The following ABCB4 variants were observed in gnomAD, a reference collection of about 807,000 sequenced individuals.
ABCB4 encodes the protein ATP binding cassette subfamily B member 4.
Under a neutral mutation model 145.7 loss-of-function variants are expected in ABCB4, and 76 were observed. The observed-to-expected ratio is 0.52, with a 90% CI of 0.43 to 0.63. The LOEUF (loss-of-function observed/expected upper bound fraction) is 0.63. Ranked by LOEUF, ABCB4 falls within the 30% of genes least tolerant of loss-of-function variation. The pLI, the probability that ABCB4 is intolerant of heterozygous loss-of-function variation, is 0.00. For synonymous variants in ABCB4, 517 were observed against 566.8 expected (o/e 0.91, Z 1.25); for missense variants, 1,234 against 1,553.1 (o/e 0.79, Z 3.45).
At chr7:87,398,599 T>C (rs1807632682), downstream of ABCB4, 1 of 1,613,668 alleles carries the variant, frequency 6.2e-7, no homozygotes. Flanking sequence ...TGACTTTTTG[T>C]GCTTTTCATG....
Position 87,431,385 on chromosome 7 carries a change from A to T in ABCB4, c.1893+19T>A. ...TATTGAGGAGCAAATAGCAGAAAAA[A>T]TTCCTGAAAAGCAAGTACCTGCATG... is the stretch of plus-strand genomic sequence containing the variant. On this transcript the variant is annotated intron_variant, in intron 15 of 27. Coordinates refer to ENST00000649586, the MANE Select transcript of ABCB4 (RefSeq NM_000443.4). 6.2e-7 allele frequency: 1 copy of T among 1,613,992 alleles called. No homozygotes were observed. Among genetic ancestry groups the T allele is most frequent in the Non-Finnish European group, 8.5e-7 (1 of 1,179,924 alleles).
chr7:87,443,553 AC>A, intron 11 of ABCB4, 109 bp from the exon 12 acceptor site: 5 of 1,546,700 alleles, frequency 3.2e-6, no homozygotes, highest in Non-Finnish European at 4.4e-6. Flanking sequence ...AGGGAATATA[AC>A]CCCCAAAGGA....
At chr7:87,398,171 G>C (rs1807606693), downstream of ABCB4, 1 of 364,518 alleles carries the variant, frequency 2.7e-6, no homozygotes, top group Admixed American at 3.9e-5. Flanking sequence ...AAAAACTGTA[G>C]CATGAATTCA....
chr7:87,426,944 AGTGTGTGTGTGT>A (rs10647775), intron 15 of ABCB4, 24 bp from the exon 16 acceptor site: 64 of 1,033,050 alleles, frequency 6.2e-5, no homozygotes, highest in Middle Eastern at 2.8e-4. Flanking sequence ...AAGACATTAA[AGTGTGTGTGTGT>A]GTGTGTGTGT....
At chr7:87,366,242 A>AT in the ABCB4 span, among the ~76,000 whole-genome samples, 8,512 of 150,132 alleles carry the variant, frequency 0.057, 807 homozygotes, top group African/African-American at 0.19. Context: ...GCAAGGGGGA[A>AT]TTTTTTTTTT....
Position 87,425,401 on chromosome 7 carries a change from C to T in ABCB4, c.2064+1349G>A, listed in dbSNP as rs45536834. Among the ~76,000 whole-genome samples the T allele has an allele frequency of 2.6e-3, 403 of 152,210 alleles. 2 individuals carry two copies. The highest frequency in any genetic ancestry group is 9.0e-3 in the African/African-American group (375 of 41,544). ...TTGCTTATCTGACTTATAATAATGA[C>T]GCTCCAAAATGGTACAATTGTTATT... On this transcript the variant is annotated intron_variant, in intron 16 of 27. Coordinates refer to ENST00000649586, the MANE Select transcript of ABCB4 (RefSeq NM_000443.4).
intron 13 of ABCB4, 59 bp from the exon 14 acceptor site, chr7:87,439,896 T>A: frequency 1.2e-6 from 2 of 1,606,174 alleles, no homozygotes; most frequent in Non-Finnish European, 1.7e-6. Context: ...AGGCTAGGAA[T>A]TCTATAGAAC....
the ABCB4 span, among the ~76,000 whole-genome samples, chr7:87,372,039 A>G: frequency 1.3e-5 from 2 of 151,210 alleles, no homozygotes; most frequent in African/African-American, 4.9e-5. Context: ...AGCTATATCT[A>G]GTCAACTGAC....
At chr7:87,393,018 C>G in the ABCB4 span, 1 of 1,613,280 alleles carries the variant, frequency 6.2e-7, no homozygotes, top group South Asian at 1.1e-5. Flanking sequence ...AGTGGTAGTT[C>G]CCATGGTACA....
chr7:87,433,669 G>GTTTTTTTTTTTTTTT (rs752621529), intron 14 of ABCB4, among the ~76,000 whole-genome samples: 2 of 124,050 alleles, frequency 1.6e-5, no homozygotes, highest in African/African-American at 3.9e-5. Flanking sequence ...ACAAAAAATT[G>GTTTTTTTTTTTTTTT]TTGTTGTTTT....
In ABCB4 at chr7:87,406,486, A is replaced by G. The variant is rs1808204952; in HGVS notation, c.3288T>C (p.Asp1096=). The G allele has an allele frequency of 6.2e-7, 1 of 1,614,020 alleles. No homozygotes were observed. The highest frequency in any genetic ancestry group is 8.5e-7 in the Non-Finnish European group (1 of 1,180,000). Residue 1096 remains aspartate (D), a synonymous_variant, in exon 26 of 28, where the codon GAT becomes GAC. Coordinates refer to ENST00000649586, the MANE Select transcript of ABCB4 (RefSeq NM_000443.4). ...CATTGAGTTTCTTTGCTTCTTGACC[A>G]TCGAGAAGCTGAAAACCAAAGTCCA... ...YDPLAGTVLL[D]GQEAKKLNVQ...
intron 3 of ABCB4, among the ~76,000 whole-genome samples, chr7:87,465,745 T>A (rs145515024): frequency 1.2e-3 from 182 of 152,266 alleles, no homozygotes; most frequent in Non-Finnish European, 2.0e-3. Context: ...TGTTCATCAA[T>A]ATTCGCTGTT....
In ABCB4 at chr7:87,469,035, G is replaced by T. The variant is rs112515139; in HGVS notation, c.135+3586C>A. On this transcript the variant is annotated intron_variant, in intron 3 of 27. Transcript: ENST00000649586. ...AAAAGCTTATCCACCATGATCAAGT[G>T]GGCTTCACCCCTGGGATGCAAGGCT... Among the ~76,000 whole-genome samples, 699 of 151,810 alleles carry T rather than the reference G, an allele frequency of 4.6e-3. 4 individuals carry two copies. Among genetic ancestry groups the T allele is most frequent in the African/African-American group, 0.016 (670 of 41,320 alleles).
At chr7:87,429,148 G>A (rs1810033458) in intron 15 of ABCB4, among the ~76,000 whole-genome samples, 1 of 152,172 alleles carries the variant, frequency 6.6e-6, no homozygotes, top group Admixed American at 6.5e-5. Context: ...CTCACAGTGG[G>A]TCTTTCCCTC....
chr7:87,449,328 A>C (rs1464191905), intron 8 of ABCB4, among the ~76,000 whole-genome samples: 4 of 152,196 alleles, frequency 2.6e-5, no homozygotes, highest in Non-Finnish European at 2.9e-5. Flanking sequence ...CATAGTCATT[A>C]AGGAGTAAAA....
intron 14 of ABCB4, among the ~76,000 whole-genome samples, chr7:87,432,345 C>G (rs1187660680): frequency 6.6e-6 from 1 of 152,184 alleles, no homozygotes; most frequent in Non-Finnish European, 1.5e-5. Flanking sequence ...AAGATCACTC[C>G]TACTCTGAGA....
At chr7:87,391,737 T>C in the ABCB4 span, 1 of 1,595,508 alleles carries the variant, frequency 6.3e-7, no homozygotes, top group Non-Finnish European at 8.5e-7. Flanking sequence ...GGAAAAAAAC[T>C]CACAAGATTT....
chr7:87,406,464 T>G lies in ABCB4; in HGVS notation c.3310A>C (p.Asn1104His). ...AGTTGAGCTCTGAGCCACTGGACAT[T>G]GAGTTTCTTTGCTTCTTGACCATCG... Reference protein sequence around the residue: ...LLDGQEAKKLNVQWLRAQLGI... With the variant: ...LLDGQEAKKLHVQWLRAQLGI... The change falls in exon 26 of 28, where the codon AAT becomes CAT. Residue 1104 changes from asparagine to histidine, a missense_variant. Asn to His is a moderately conservative substitution (Grantham distance 68, BLOSUM62 1). Transcript: ENST00000649586. 1 of 1,613,874 alleles carries G rather than the reference T, an allele frequency of 6.2e-7. No individual in the cohort carries two copies.
At chr7:87,428,012 C>T (rs1809955711) in intron 15 of ABCB4, among the ~76,000 whole-genome samples, 1 of 152,088 alleles carries the variant, frequency 6.6e-6, no homozygotes, top group South Asian at 2.1e-4. Context: ...AAAATCATCC[C>T]CAGCTTCCCA....
Sources: allele counts gnomAD v4.1 joint callset (sites outside exome capture counted in the v4.1 genomes callset), GRCh38; gene constraint gnomAD v4.1.1; transcripts MANE v1.5; gene names NCBI Gene and HGNC (gene_info 2026-07-23, HGNC 2026-07-21).